The following WDR44 variants were observed in gnomAD, a reference collection of about 807,000 sequenced individuals.
WDR44 encodes the protein WD repeat-containing protein 44.
WDR44 carries 9 observed loss-of-function variants against 65.7 expected under a neutral mutation model. The ratio of observed to expected loss-of-function variants is 0.14; its 90% CI spans 0.08 to 0.24. WDR44 has a LOEUF of 0.24. WDR44 is among the 10% of genes least tolerant of loss of function. The pLI is 1.00. For missense variants in WDR44, 425 were observed against 670.9 expected (o/e 0.63, Z 4.05); for synonymous variants, 220 against 235.2 (o/e 0.94, Z 0.59).
chrX:118,358,541 A>G (rs984193115), intron 1 of WDR44, among the ~76,000 whole-genome samples: 2 of 111,133 alleles, frequency 1.8e-5, no homozygotes, highest in Admixed American at 1.9e-4. Context: ...CATCTCTACA[A>G]AAAGTTTTTA....
intron 19 of WDR44, chrX:118,444,919 G>T: frequency 3.0e-6 from 1 of 329,229 alleles, no homozygotes; most frequent in South Asian, 2.6e-5. Context: ...CAACTTAATG[G>T]TTGTCAGATA....
chrX:118,364,722 A>G (rs2056539215), intron 1 of WDR44, among the ~76,000 whole-genome samples: 1 of 112,310 alleles, frequency 8.9e-6, no homozygotes, highest in African/African-American at 3.2e-5. Context: ...ACAAGACCAC[A>G]GAGATTGTCT....
intron 1 of WDR44, among the ~76,000 whole-genome samples, chrX:118,352,086 C>A (rs2056409448): frequency 9.3e-6 from 1 of 107,487 alleles, no homozygotes; most frequent in African/African-American, 3.4e-5. Context: ...AAACTGTATT[C>A]TCTTCTTGTG....
intron 1 of WDR44, among the ~76,000 whole-genome samples, chrX:118,369,150 G>A (rs770849752): frequency 9.0e-6 from 1 of 111,684 alleles, no homozygotes; most frequent in African/African-American, 3.2e-5. Flanking sequence ...GTGTACTAGT[G>A]TATGAAAATA....
intron 8 of WDR44, among the ~76,000 whole-genome samples, chrX:118,403,042 G>A (rs1287000911): frequency 8.9e-6 from 1 of 111,931 alleles, no homozygotes; most frequent in African/African-American, 3.2e-5. Flanking sequence ...TAAGTAATAA[G>A]TGGGTATCAT....
At chrX:118,432,300 AAGG>A (rs1005274959) in intron 12 of WDR44, among the ~76,000 whole-genome samples, 4 of 111,653 alleles carry the variant, frequency 3.6e-5, no homozygotes, top group Non-Finnish European at 7.5e-5. Flanking sequence ...AGATGCAGGA[AAGG>A]AGGAGTCCTA....
chrX:118,387,203 A>AAT, intron 2 of WDR44, 137 bp from the exon 3 acceptor site: 2 of 280,331 alleles, frequency 7.1e-6, no homozygotes, highest in Non-Finnish European at 6.1e-6. Context: ...AAAAAAAAAA[A>AAT]GAAGAAGAAG....
intron 1 of WDR44, 80 bp downstream of exon 1, chrX:118,346,660 C>G: frequency 3.7e-6 from 3 of 802,889 alleles, no homozygotes; most frequent in Non-Finnish European, 5.3e-6. Flanking sequence ...ACACCCCTCC[C>G]AGGTCCCGCT....
At chrX:118,355,390 G>A (rs929191862) in intron 1 of WDR44, among the ~76,000 whole-genome samples, 2 of 112,131 alleles carry the variant, frequency 1.8e-5, no homozygotes, top group Non-Finnish European at 3.8e-5. Flanking sequence ...GGACAAGTTG[G>A]TAAAGACTTT....
chrX:118,384,602 G>A (rs1017097099), intron 2 of WDR44, among the ~76,000 whole-genome samples: 24 of 111,520 alleles, frequency 2.2e-4, no homozygotes, highest in African/African-American at 7.8e-4. Context: ...GTTTGAAGTC[G>A]GGTAGCATGA....
At chrX:118,377,636 A>C (rs1471367876) in intron 1 of WDR44, among the ~76,000 whole-genome samples, 1 of 110,766 alleles carries the variant, frequency 9.0e-6, no homozygotes, top group Non-Finnish European at 1.9e-5. Context: ...TGTCATATAC[A>C]ACTATATATG....
At chrX:118,352,348 ATATATTTTT>A (rs1312367486) in intron 1 of WDR44, among the ~76,000 whole-genome samples, 11 of 23,334 alleles carry the variant, frequency 4.7e-4, no homozygotes, top group African/African-American at 3.8e-3. Flanking sequence ...ATATATATAT[ATATATTTTT>A]TTTTTTTTTT....
At chrX:118,385,246 A>G (rs2056755748) in intron 2 of WDR44, among the ~76,000 whole-genome samples, 1 of 112,326 alleles carries the variant, frequency 8.9e-6, no homozygotes, top group East Asian at 2.8e-4. Flanking sequence ...AAGACATGAA[A>G]TCAACCTAAA....
intron 5 of WDR44, among the ~76,000 whole-genome samples, chrX:118,394,534 ATGTT>A (rs1027472276): frequency 9.0e-6 from 1 of 110,718 alleles, no homozygotes; most frequent in African/African-American, 3.3e-5. Flanking sequence ...ACTATAGTCT[ATGTT>A]TGTCCTGTAT....
At chrX:118,361,404 T>C (rs2147667229) in intron 1 of WDR44, among the ~76,000 whole-genome samples, 1 of 112,030 alleles carries the variant, frequency 8.9e-6, no homozygotes, top group South Asian at 3.7e-4. Context: ...GGATGGTTTA[T>C]GGTCTCTGGC....
rs781558601 is a variant in WDR44, at chrX:118,357,519, A to G, written c.77+10939A>G. On this transcript the variant is annotated intron_variant, in intron 1 of 19. Transcript: ENST00000254029. ...GAATTTATCAATTTAAATTTTTAAAAAGGGGGGCTCACGACAGGTGCTTTA... is the reference window on the plus strand; with the variant it reads ...GAATTTATCAATTTAAATTTTTAAAGAGGGGGGCTCACGACAGGTGCTTTA... 3.1e-3 allele frequency among the ~76,000 whole-genome samples: 344 copies of G among 111,716 alleles called. 1 individual carries two copies. Among genetic ancestry groups the G allele is most frequent in the African/African-American group, 0.011 (326 of 30,805 alleles).
chrX:118,442,463 TTGAGG>T, intron 16 of WDR44, 97 bp from the exon 17 acceptor site: 2 of 934,625 alleles, frequency 2.1e-6, no homozygotes, highest in Non-Finnish European at 3.0e-6. Flanking sequence ...TCTTCTAGTT[TTGAGG>T]TATATTAGTT....
intron 1 of WDR44, among the ~76,000 whole-genome samples, chrX:118,349,871 G>C (rs1016905849): frequency 6.3e-5 from 7 of 111,822 alleles, no homozygotes; most frequent in Non-Finnish European, 1.3e-4. Flanking sequence ...CTCAGAGACG[G>C]TTAAGTGAAT....
At chrX:118,387,749 G>A (rs1050678610) in intron 3 of WDR44, among the ~76,000 whole-genome samples, 2 of 111,707 alleles carry the variant, frequency 1.8e-5, no homozygotes, top group Non-Finnish European at 3.8e-5. Context: ...ACATTCTGAT[G>A]TCTTTAGGAA....
Sources: allele counts gnomAD v4.1 joint callset (sites outside exome capture counted in the v4.1 genomes callset), GRCh38; gene constraint gnomAD v4.1.1; transcripts MANE v1.5; gene names NCBI Gene and HGNC (gene_info 2026-07-23, HGNC 2026-07-21).